Variants in PANK1 observed in about 807,000 individuals in gnomAD.
PANK1 encodes pantothenic acid kinase 1.
A neutral mutation model predicts 40.1 loss-of-function variants in PANK1; 18 were observed. The observed-to-expected ratio is 0.45, with a 90% confidence interval of 0.31 to 0.67. The LOEUF (loss-of-function observed/expected upper bound fraction) is 0.67, where lower values mean the gene tolerates loss of function less well. Ranked by LOEUF, PANK1 falls within the 30% of genes least tolerant of loss-of-function variation. The pLI, the probability that PANK1 is intolerant of heterozygous loss-of-function variation, is 0.06. For synonymous variants in PANK1, 242 were observed against 237.7 expected, an observed-to-expected ratio of 1.02 and a Z score of -0.17; for missense variants, 457 against 599.6, an observed-to-expected ratio of 0.76 and a Z score of 2.48.
At chr10:89,594,387 T>C (rs957154575) in intron 3 of PANK1, among the ~76,000 whole-genome samples, 20 of 152,296 alleles carry the variant, frequency 1.3e-4, no homozygotes, top group Admixed American at 4.6e-4. Flanking sequence ...TAAAAAACCA[T>C]ATGCAGCTGA....
chr10:89,594,415 A>C (rs1242578130), intron 3 of PANK1, among the ~76,000 whole-genome samples: 1 of 152,200 alleles, frequency 6.6e-6, no homozygotes, highest in African/African-American at 2.4e-5. Context: ...TACCTAGAAA[A>C]AGAATTTGTG....
intron 4 of PANK1, 123 bp from the exon 5 acceptor site, chr10:89,593,443 C>T (rs970377522): frequency 6.2e-6 from 7 of 1,120,032 alleles, no homozygotes; most frequent in Non-Finnish European, 8.9e-6. Flanking sequence ...AATTTTGCTA[C>T]TATGGTTTAT....
intron 3 of PANK1, among the ~76,000 whole-genome samples, chr10:89,598,321 A>C (rs1314426864): frequency 6.6e-6 from 1 of 152,222 alleles, no homozygotes; most frequent in East Asian, 1.9e-4. Flanking sequence ...AGTCTGTAGA[A>C]GCGATCTAAG....
chr10:89,615,310 C>G (rs1217009266), intron 1 of PANK1, among the ~76,000 whole-genome samples: 1 of 152,170 alleles, frequency 6.6e-6, no homozygotes, highest in African/African-American at 2.4e-5. Flanking sequence ...GAAGGAAGAG[C>G]CTGCACATAA....
intron 5 of PANK1, among the ~76,000 whole-genome samples, chr10:89,592,526 T>G (rs539361541): frequency 1.3e-5 from 2 of 152,220 alleles, no homozygotes; most frequent in East Asian, 3.8e-4. Flanking sequence ...TCTTTAATAC[T>G]CTCCTATGAC....
chr10:89,644,541 C>T, intron 1 of PANK1, 59 bp downstream of exon 1: 1 of 1,485,600 alleles, frequency 6.7e-7, no homozygotes, highest in Non-Finnish European at 9.1e-7. Context: ...CGCTCCCAGT[C>T]CCGGGCCCCG....
Position 89,611,931 on chromosome 10 carries a change from C to T in PANK1, c.410G>A (p.Arg137Gln), listed in dbSNP as rs985028365. The stretch of plus-strand genomic sequence containing the variant: ...AGCAGTATTAGAAGTCAAATACTTC[C>T]GGATGCTCTTCAGGTTCTCCACTTC... ...QEEVENLKSI[R>Q]KYLTSNTAYG... is the part of the protein sequence containing the mutation. Residue 137 changes from arginine to glutamine, a missense_variant, in exon 2 of 7, where the codon CGG (arginine) becomes CAG (glutamine). Coordinates refer to ENST00000307534, the MANE Select transcript of PANK1 (RefSeq NM_148977.3). The T allele has an allele frequency of 9.3e-6, 15 of 1,614,080 alleles. No individual in the cohort carries two copies. The highest frequency in any genetic ancestry group is 2.2e-5 in the South Asian group (2 of 91,078).
chr10:89,592,667 T>C (rs1844433859), intron 5 of PANK1: 20 of 517,726 alleles, frequency 3.9e-5, no homozygotes, highest in South Asian at 2.6e-4. Flanking sequence ...CTTCAAAACA[T>C]GTTAATACAA....
chr10:89,601,282 C>T (rs868538715), intron 2 of PANK1, among the ~76,000 whole-genome samples: 3 of 144,334 alleles, frequency 2.1e-5, no homozygotes, highest in Non-Finnish European at 4.5e-5. Flanking sequence ...TGAGACCAAC[C>T]TGGGCAATAT....
At chr10:89,614,733 G>T (rs1285882536) in intron 1 of PANK1, among the ~76,000 whole-genome samples, 1 of 151,996 alleles carries the variant, frequency 6.6e-6, no homozygotes, top group East Asian at 1.9e-4. Context: ...GGAGGCAGAG[G>T]TTGCAGCGAG....
chr10:89,603,219 C>A (rs1247086565), intron 2 of PANK1, among the ~76,000 whole-genome samples: 2 of 152,162 alleles, frequency 1.3e-5, no homozygotes, highest in Non-Finnish European at 2.9e-5. Flanking sequence ...TCACCCCCGA[C>A]CATGACCAAT....
intron 1 of PANK1, among the ~76,000 whole-genome samples, chr10:89,617,401 AGTCTAAT>A (rs1041512239): frequency 1.7e-4 from 26 of 152,368 alleles, no homozygotes; most frequent in African/African-American, 6.3e-4. Flanking sequence ...AGACTTTGAA[AGTCTAAT>A]GTTAGTAGCA....
In PANK1 at chr10:89,611,881, C is replaced by A. The variant is rs201363406; in HGVS notation, c.460G>T (p.Val154Phe). The A allele has an allele frequency of 2.5e-6, 4 of 1,614,152 alleles. No homozygotes were observed. Among genetic ancestry groups the A allele is most frequent in the Non-Finnish European group, 3.4e-6 (4 of 1,180,024 alleles). Residue 154 changes from valine (V) to phenylalanine (F), a missense_variant, in exon 2 of 7, where the codon GTC becomes TTC. Val to Phe is a conservative substitution (Grantham distance 50). Coordinates refer to ENST00000307534, the MANE Select transcript of PANK1 (RefSeq NM_148977.3). ...GTCAGGTTTTTCAGTTCCAGGTGGA[C>A]GTCTCGGATCCCAGTTTTCCCATAA... is the stretch of plus-strand genomic sequence containing the variant. ...TAYGKTGIRDVHLELKNLTMC... is the reference protein window; with the variant it reads ...TAYGKTGIRDFHLELKNLTMC...
chr10:89,596,762 A>G (rs1342909251), intron 3 of PANK1, among the ~76,000 whole-genome samples: 1 of 152,222 alleles, frequency 6.6e-6, no homozygotes, highest in Non-Finnish European at 1.5e-5. Flanking sequence ...ATGTTAGGAA[A>G]CAGCAGAAGA....
Position 89,644,761 on chromosome 10 carries a change from T to G in PANK1, c.131A>C (p.His44Pro). ...GCCCACTGGACCCCGGCTGCAGACG[T>G]GCGGCGGCTGGACTGGCGGCGGATG... is the stretch of plus-strand genomic sequence containing the variant. The part of the protein sequence containing the change: ...GFHPPPVQPP[H>P]VCSRGPVGGS... Residue 44 changes from histidine to proline, a missense_variant, in exon 1 of 7, where the codon CAC (histidine) becomes CCC (proline). His to Pro is a moderately conservative substitution (Grantham distance 77). Around this residue, in one of 4 missense-constraint regions of PANK1, gnomAD observed 144 missense variants for 131.2 expected, o/e 1.10. Transcript: ENST00000307534. 6.6e-7 allele frequency: 1 copy of G among 1,509,822 alleles called. No homozygotes were observed. The highest frequency in any genetic ancestry group is 8.8e-7 in the Non-Finnish European group (1 of 1,136,034). 93.5% of individuals were successfully genotyped at this position (1,509,822 alleles called of 1,614,324 possible).
intron 1 of PANK1, among the ~76,000 whole-genome samples, chr10:89,612,674 T>A (rs997167957): frequency 3.3e-5 from 5 of 152,218 alleles, no homozygotes; most frequent in African/African-American, 1.2e-4. Context: ...TGAGCAGACA[T>A]GAAATTCTAA....
rs779055948 is a variant in PANK1 at position 89,593,253 on chromosome 10, A to T, written c.1144T>A (p.Leu382Met). 6.2e-7 allele frequency: 1 copy of T among 1,613,762 alleles called. No homozygotes were observed. The highest frequency in any genetic ancestry group is 8.5e-7 in the Non-Finnish European group (1 of 1,179,724). ...ISKEDLARAT[L>M]VTITNNIGSI... is the part of the protein sequence containing the mutation. ...CCAATGTTGTTGGTGATGGTGACCA[A>T]TGTGGCCCGGGCGAGGTCTTCCTTG... Residue 382 changes from leucine (L) to methionine (M), a missense_variant, in exon 5 of 7, where the codon TTG (leucine) becomes ATG (methionine). This residue lies in a region of PANK1 where 286 missense variants were observed against 415.8 expected (regional missense o/e 0.69). Transcript: ENST00000307534.
At chr10:89,593,019 A>T (rs1374207260) in intron 5 of PANK1, among the ~76,000 whole-genome samples, 178 bp downstream of exon 5, 1 of 152,190 alleles carries the variant, frequency 6.6e-6, no homozygotes. Flanking sequence ...TCTTAAAAAT[A>T]AAGCATATAT....
Position 89,645,061 on chromosome 10 carries a change from TCCC to T in PANK1, c.-173_-171del, listed in dbSNP as rs1842076567. ...GCGCTCCTCCCCTCCTCCTGCCGACTCCCCCACCTCCTCTGCGCCCTGCCCCCC... is the reference window on the plus strand; with the variant it reads ...GCGCTCCTCCCCTCCTCCTGCCGACTCCACCTCCTCTGCGCCCTGCCCCCC... On this transcript the variant is annotated 5_prime_UTR_variant, in exon 1 of 7. Coordinates refer to ENST00000307534, the MANE Select transcript of PANK1 (RefSeq NM_148977.3). 1 of 1,556,664 alleles carries T rather than the reference TCCC, an allele frequency of 6.4e-7. No individual in the cohort carries two copies. The highest frequency in any genetic ancestry group is 2.7e-5 in the East Asian group (1 of 37,558).
Sources: gnomAD v4.1 joint callset for allele counts (sites outside exome capture counted in the v4.1 genomes callset) on GRCh38, gnomAD v4.1.1 for gene constraint, gnomAD v4.1.1 regional missense constraint, MANE v1.5 for transcripts, NCBI Gene and HGNC (gene_info 2026-07-23, HGNC 2026-07-21) for gene names.